The following GRIK2 variants were observed in gnomAD, a reference collection of about 807,000 sequenced individuals.
GRIK2 encodes glutamate ionotropic receptor kainate type subunit 2.
GRIK2 carries 32 observed loss-of-function variants against 100.3 expected under a neutral mutation model. The ratio of observed to expected loss-of-function variants is 0.32; its 90% CI spans 0.24 to 0.43. The LOEUF is 0.43. Among genes scored for constraint, GRIK2 ranks in the 20% least tolerant of loss-of-function variants. The probability of loss-of-function intolerance (pLI) is 1.00; values close to 1 mark genes in which losing one functional copy is unlikely to be tolerated. For missense variants in GRIK2, 843 were observed against 1,114.9 expected (o/e 0.76, Z 3.47); for synonymous variants, 417 against 389.4 (o/e 1.07, Z -0.83).
At chr6:101,757,182 T>C (rs946529705) in intron 7 of GRIK2, among the ~76,000 whole-genome samples, 1 of 152,150 alleles carries the variant, frequency 6.6e-6, no homozygotes, top group African/African-American at 2.4e-5. Flanking sequence ...CTGGTGAATA[T>C]TAGAGCCACT....
chr6:101,837,966 G>A (rs80277584), intron 10 of GRIK2, among the ~76,000 whole-genome samples: 1,834 of 152,204 alleles, frequency 0.012, 41 homozygotes, highest in African/African-American at 0.041. Context: ...TATTAAGAAA[G>A]TCTAGGAAGG....
At chr6:101,961,326 C>T (rs961187559) in intron 14 of GRIK2, among the ~76,000 whole-genome samples, 1 of 152,136 alleles carries the variant, frequency 6.6e-6, no homozygotes, top group African/African-American at 2.4e-5. Context: ...GGGAATGCTG[C>T]TGTTCTGTGT....
At chr6:102,046,078 T>C (rs1317794025) in intron 15 of GRIK2, among the ~76,000 whole-genome samples, 1 of 151,902 alleles carries the variant, frequency 6.6e-6, no homozygotes, top group African/African-American at 2.4e-5. Context: ...GAAAAACATT[T>C]ATAGGAGACA....
chr6:101,433,803 A>G (rs1427694548), intron 2 of GRIK2, among the ~76,000 whole-genome samples: 1 of 152,182 alleles, frequency 6.6e-6, no homozygotes, highest in Non-Finnish European at 1.5e-5. Flanking sequence ...AAAACTCTAC[A>G]TTTATTTATC....
At chr6:101,501,437 T>C (rs1773741561) in intron 2 of GRIK2, among the ~76,000 whole-genome samples, 1 of 152,218 alleles carries the variant, frequency 6.6e-6, no homozygotes, top group Non-Finnish European at 1.5e-5. Context: ...CTTATACCAG[T>C]TATCTTGCTT....
intron 14 of GRIK2, among the ~76,000 whole-genome samples, chr6:101,932,235 C>G (rs1408392068): frequency 6.6e-6 from 1 of 151,936 alleles, no homozygotes; most frequent in Non-Finnish European, 1.5e-5. Flanking sequence ...ATTATGTGCA[C>G]TAATACATAT....
chr6:101,999,081 G>A (rs935110446), intron 14 of GRIK2, among the ~76,000 whole-genome samples: 1 of 151,202 alleles, frequency 6.6e-6, no homozygotes, highest in African/African-American at 2.4e-5. Flanking sequence ...CCCAAAGTGG[G>A]GTTTTTCTTT....
At position 101,539,237 on chromosome 6, in the gene GRIK2, G is replaced by C. The variant is rs9498611; in HGVS notation, c.116-82712G>C. Among the ~76,000 whole-genome samples the C allele has an allele frequency of 2.8e-3, 429 of 151,726 alleles. 2 individuals carry two copies. Among genetic ancestry groups the C allele is most frequent in the African/African-American group, 0.01 (421 of 41,490 alleles). On this transcript the variant is annotated intron_variant, in intron 2 of 16. Transcript: ENST00000369134. ...ACCTTTCAGTTTTATTTAGTTCTTTGAAAACTTATAACTACCAGATTGTAA... is the reference window on the plus strand; with the variant it reads ...ACCTTTCAGTTTTATTTAGTTCTTTCAAAACTTATAACTACCAGATTGTAA...
At chr6:102,064,670 C>T (rs1208921798) in intron 16 of GRIK2, among the ~76,000 whole-genome samples, 2 of 151,046 alleles carry the variant, frequency 1.3e-5, no homozygotes, top group African/African-American at 4.8e-5. Flanking sequence ...AAAAGTTAGA[C>T]ACAGTAAATT....
At chr6:102,027,213 A>G (rs1203523510) in intron 14 of GRIK2, among the ~76,000 whole-genome samples, 1 of 151,272 alleles carries the variant, frequency 6.6e-6, no homozygotes, top group Non-Finnish European at 1.5e-5. Flanking sequence ...ATTGAAAAAG[A>G]ATAATTTGAG....
intron 2 of GRIK2, among the ~76,000 whole-genome samples, chr6:101,477,748 A>G (rs1772319606): frequency 6.6e-6 from 1 of 152,236 alleles, no homozygotes; most frequent in Admixed American, 6.5e-5. Flanking sequence ...AATGAGCAAC[A>G]GAAGGGAGGT....
intron 7 of GRIK2, among the ~76,000 whole-genome samples, chr6:101,706,081 G>A (rs1027559876): frequency 6.6e-6 from 1 of 151,802 alleles, no homozygotes; most frequent in South Asian, 2.1e-4. Flanking sequence ...CAGTGAATGT[G>A]CTTCAGGCTT....
chr6:102,018,113 C>T (rs1189477819), intron 14 of GRIK2, among the ~76,000 whole-genome samples: 1 of 152,028 alleles, frequency 6.6e-6, no homozygotes, highest in Admixed American at 6.6e-5. Context: ...ACATGAGGTA[C>T]TAAATGTAAC....
At chr6:101,599,665 T>C (rs1461008795) in intron 2 of GRIK2, among the ~76,000 whole-genome samples, 2 of 151,774 alleles carry the variant, frequency 1.3e-5, no homozygotes, top group Admixed American at 1.3e-4. Flanking sequence ...ATCAGTGATA[T>C]TGAGCTTTTT....
At chr6:101,467,133 TTA>T (rs1263098152) in intron 2 of GRIK2, among the ~76,000 whole-genome samples, 2 of 152,182 alleles carry the variant, frequency 1.3e-5, no homozygotes, top group Non-Finnish European at 2.9e-5. Context: ...ATTGTATAAT[TTA>T]AAGCCATTTT....
intron 2 of GRIK2, among the ~76,000 whole-genome samples, chr6:101,414,350 T>G (rs1452092738): frequency 6.6e-6 from 1 of 152,200 alleles, no homozygotes; most frequent in African/African-American, 2.4e-5. Flanking sequence ...CAAATCATAG[T>G]GATGCCATTA....
At chr6:102,011,206 A>G (rs1582717902) in intron 14 of GRIK2, among the ~76,000 whole-genome samples, 1 of 152,128 alleles carries the variant, frequency 6.6e-6, no homozygotes, top group Non-Finnish European at 1.5e-5. Context: ...TACTAATGTT[A>G]GATGTTGTCA....
Position 101,926,421 on chromosome 6 carries a change from A to G in GRIK2, c.1867+1702A>G, listed in dbSNP as rs9498750. Among the ~76,000 whole-genome samples the G allele has an allele frequency of 9.0e-3, 1,364 of 152,198 alleles. 18 individuals are homozygous for G. The highest frequency in any genetic ancestry group is 0.031 in the African/African-American group (1,279 of 41,534). On this transcript the variant is annotated intron_variant, in intron 13 of 16. Transcript: ENST00000369134. ...ATCCTCATAATAAACATCTGACCATAGCAAGACTTTCGTTTTAAAAGTTTC... is the reference window on the plus strand; with the variant it reads ...ATCCTCATAATAAACATCTGACCATGGCAAGACTTTCGTTTTAAAAGTTTC...
At chr6:101,774,667 G>A (rs1335053365) in intron 7 of GRIK2, among the ~76,000 whole-genome samples, 1 of 152,030 alleles carries the variant, frequency 6.6e-6, no homozygotes, top group Non-Finnish European at 1.5e-5. Context: ...AAAACTTGTT[G>A]GCATTTTCTT....
Sources: gnomAD v4.1 joint callset for allele counts (sites outside exome capture counted in the v4.1 genomes callset) on GRCh38, gnomAD v4.1.1 for gene constraint, MANE v1.5 for transcripts, NCBI Gene and HGNC (gene_info 2026-07-23, HGNC 2026-07-21) for gene names.